Variants in RGS3 observed in about 807,000 individuals in gnomAD.
The protein encoded by RGS3 is regulator of G protein signaling 3.
RGS3 carries 80 observed loss-of-function variants against 132.6 expected under a neutral mutation model. The observed-to-expected ratio is 0.60, with a 90% CI of 0.50 to 0.73. RGS3 has a LOEUF of 0.73. Ranked by LOEUF, RGS3 falls within the 30% of genes least tolerant of loss-of-function variation. RGS3 has a pLI of 0.00. For synonymous variants in RGS3, 598 were observed against 620.6 expected, an observed-to-expected ratio of 0.96 and a Z score of 0.54; for missense variants, 1,382 against 1,530.8, an observed-to-expected ratio of 0.90 and a Z score of 1.62.
chr9:113,518,135 G>A (rs1322203427), intron 16 of RGS3, among the ~76,000 whole-genome samples: 2 of 152,170 alleles, frequency 1.3e-5, no homozygotes, highest in Admixed American at 1.3e-4. Context: ...CTGGGAGCTG[G>A]CCTGGGATGC....
intron 20 of RGS3, among the ~76,000 whole-genome samples, chr9:113,588,432 C>T (rs942346841): frequency 2.6e-5 from 4 of 152,178 alleles, no homozygotes; most frequent in African/African-American, 4.8e-5. Flanking sequence ...CCGACCAGGA[C>T]CAATAGGGAA....
chr9:113,558,076 T>C (rs1833642541), intron 19 of RGS3, among the ~76,000 whole-genome samples: 1 of 152,160 alleles, frequency 6.6e-6, no homozygotes, highest in Non-Finnish European at 1.5e-5. Context: ...GGAGAGCCGA[T>C]GGTTGCTTGG....
intron 19 of RGS3, among the ~76,000 whole-genome samples, chr9:113,574,371 T>C (rs1834419126): frequency 6.6e-6 from 1 of 152,208 alleles, no homozygotes; most frequent in Non-Finnish European, 1.5e-5. Flanking sequence ...GCCATCCTAG[T>C]TGTCCCTGCT....
intron 16 of RGS3, among the ~76,000 whole-genome samples, chr9:113,519,777 C>T (rs1377562545): frequency 6.6e-6 from 1 of 152,046 alleles, no homozygotes; most frequent in Non-Finnish European, 1.5e-5. Flanking sequence ...GTTCTTTGTC[C>T]CATCACTTCT....
At chr9:113,575,046 C>T (rs1256684118) in intron 19 of RGS3, among the ~76,000 whole-genome samples, 2 of 152,086 alleles carry the variant, frequency 1.3e-5, no homozygotes, top group Admixed American at 6.5e-5. Context: ...GAAATGGAGG[C>T]GAGAGGAGAA....
chr9:113,453,017 T>A (rs1450012086), intron 1 of RGS3, among the ~76,000 whole-genome samples: 23 of 132,406 alleles, frequency 1.7e-4, no homozygotes, highest in Admixed American at 2.5e-4. Flanking sequence ...TATATTATAT[T>A]TTATATATAA....
At position 113,512,264 on chromosome 9, in the gene RGS3, C is replaced by T. The variant is rs116356481; in HGVS notation, c.1478-2194C>T. ...GAGGATGGTGCTTTAAACAAAGGGTCCAGGGCCTGGCAGCACACATCCCTC... is the reference window on the plus strand; with the variant it reads ...GAGGATGGTGCTTTAAACAAAGGGTTCAGGGCCTGGCAGCACACATCCCTC... On this transcript the variant is annotated intron_variant, in intron 14 of 24. Coordinates refer to ENST00000350696, the Ensembl canonical transcript of RGS3. Among the ~76,000 whole-genome samples, 1,504 of 152,244 alleles carry T rather than the reference C, an allele frequency of 9.9e-3. 20 individuals are homozygous for T. The highest frequency in any genetic ancestry group is 0.034 in the African/African-American group (1,419 of 41,534).
chr9:113,450,295 T>A (rs1829211310), intron 1 of RGS3, among the ~76,000 whole-genome samples: 1 of 150,858 alleles, frequency 6.6e-6, no homozygotes, highest in South Asian at 2.1e-4. Context: ...ATGGTCTCGA[T>A]CTCCTGACCT....
intron 15 of RGS3, 22 bp from the exon 14 acceptor site, chr9:113,517,519 A>C: frequency 2.5e-6 from 4 of 1,607,748 alleles, no homozygotes; most frequent in Non-Finnish European, 3.4e-6. Flanking sequence ...TGAACTGCCC[A>C]CTCAGCCTGC....
intron 17 of RGS3, among the ~76,000 whole-genome samples, chr9:113,528,693 C>T (rs1832328873): frequency 6.6e-6 from 1 of 152,216 alleles, no homozygotes; most frequent in African/African-American, 2.4e-5. Flanking sequence ...GGAAAACATA[C>T]AGAGAGGTGA....
intron 3 of RGS3, among the ~76,000 whole-genome samples, chr9:113,478,251 C>T (rs1830056114): frequency 1.3e-5 from 2 of 152,098 alleles, no homozygotes; most frequent in Admixed American, 1.3e-4. Context: ...CTCTTCCTCC[C>T]CTCCTTTCTC....
intron 19 of RGS3, among the ~76,000 whole-genome samples, chr9:113,569,732 T>A (rs1336708521): frequency 2.0e-5 from 3 of 152,066 alleles, no homozygotes; most frequent in African/African-American, 7.2e-5. Context: ...CAATCTTTAA[T>A]CTAGTGCCAG....
intron 17 of RGS3, among the ~76,000 whole-genome samples, chr9:113,524,794 C>T (rs1399509870): frequency 3.9e-5 from 6 of 152,242 alleles, no homozygotes. Context: ...CTATATTATC[C>T]TGCCTCTACC....
At position 113,565,219 on chromosome 9, in the gene RGS3, C is replaced by A; in HGVS notation, c.2038-18231C>A. On this transcript the variant is annotated intron_variant, in intron 19 of 24. Transcript: ENST00000350696. This position sits in a 1 kb window ranked among gnomAD's most constrained non-coding sequence, Gnocchi z 5.7. ...GCCCCTCGCGGGGTGGGCAGAAGGA[C>A]GGGCTGGCCCAGGACCCTCTTCTTT... The A allele has an allele frequency of 7.9e-7, 1 of 1,265,794 alleles. No homozygotes were observed. Among genetic ancestry groups the A allele is most frequent in the Admixed American group, 2.5e-5 (1 of 40,722 alleles). The allele number at this position is 1,265,794 out of a possible 1,614,324, so 78.4% of individuals were successfully genotyped here. A position where few individuals can be genotyped will look rare whatever the true frequency, so the allele number is the denominator to read the frequency against.
intron 8 of RGS3, 24 bp from the exon 7 acceptor site, chr9:113,497,290 G>C (rs371645669): frequency 1.3e-6 from 2 of 1,588,614 alleles, no homozygotes; most frequent in African/African-American, 2.7e-5. Context: ...GTGTCTGAGC[G>C]TGCCATTCCT....
Position 113,591,260 on chromosome 9 carries a change from C to A in RGS3, c.3016-73C>A. On this transcript the variant is annotated intron_variant, in intron 20 of 24. Coordinates refer to ENST00000350696, the Ensembl canonical transcript of RGS3. This position sits in a 1 kb window ranked among gnomAD's most constrained non-coding sequence, Gnocchi z 4.4. ...GGGCTGGTGGCAGGGAATGTTGGGTCTCTGAGCCTCTGTTTACTTAGGCAG... is the reference window on the plus strand; with the variant it reads ...GGGCTGGTGGCAGGGAATGTTGGGTATCTGAGCCTCTGTTTACTTAGGCAG... 7.3e-7 allele frequency: 1 copy of A among 1,372,750 alleles called. No homozygotes were observed. Among genetic ancestry groups the A allele is most frequent in the Non-Finnish European group, 1.0e-6 (1 of 968,446 alleles). The allele number at this position is 1,372,750 out of a possible 1,614,324, so 85.0% of individuals were successfully genotyped here. A position where few individuals can be genotyped will look rare whatever the true frequency, so the allele number is the denominator to read the frequency against.
chr9:113,505,071 C>G (rs537659535), intron 10 of RGS3: 4 of 224,034 alleles, frequency 1.8e-5, no homozygotes, highest in East Asian at 9.5e-5. Context: ...AAGAAGGGAG[C>G]CAGGAAAACA....
chr9:113,553,766 C>G (rs2118767020), intron 19 of RGS3, among the ~76,000 whole-genome samples: 1 of 151,908 alleles, frequency 6.6e-6, no homozygotes, highest in South Asian at 2.1e-4. Context: ...TCACTTGAAC[C>G]CTGGAGACGG....
At chr9:113,490,805 TTATA>T (rs1042364800) in intron 7 of RGS3, among the ~76,000 whole-genome samples, 5 of 135,368 alleles carry the variant, frequency 3.7e-5, no homozygotes, top group Non-Finnish European at 1.5e-5. Flanking sequence ...TTATATATAA[TTATA>T]TATAACAATT....
Sources: gnomAD v4.1 joint callset for allele counts (sites outside exome capture counted in the v4.1 genomes callset) on GRCh38, gnomAD v4.1.1 for gene constraint, Gnocchi (gnomAD v3.1) non-coding constraint, MANE v1.5 for transcripts, NCBI Gene and HGNC (gene_info 2026-07-23, HGNC 2026-07-21) for gene names.